The following MFHAS1 variants were observed in gnomAD, a reference collection of about 807,000 sequenced individuals.
MFHAS1 encodes multifunctional ROCO family signaling regulator 1.
MFHAS1 carries 50 observed loss-of-function variants against 70.4 expected under a neutral mutation model. The observed-to-expected ratio is 0.71, with a 90% CI of 0.57 to 0.90. MFHAS1 has a LOEUF of 0.90. Ranked by LOEUF, MFHAS1 falls within the 40% of genes least tolerant of loss-of-function variation. The pLI is 0.00. For missense variants in MFHAS1, 1,795 were observed against 1,347.6 expected (o/e 1.33, Z -5.20); for synonymous variants, 952 against 620.0 (o/e 1.54, Z -7.96).
chr8:8,805,157 G>A (rs536759720), intron 1 of MFHAS1, among the ~76,000 whole-genome samples: 1 of 152,044 alleles, frequency 6.6e-6, no homozygotes, highest in Admixed American at 6.5e-5. Flanking sequence ...GAAAGCCAAG[G>A]GGAAAAAACT....
intron 1 of MFHAS1, among the ~76,000 whole-genome samples, chr8:8,822,914 G>A (rs928137731): frequency 4.6e-5 from 7 of 152,182 alleles, no homozygotes; most frequent in African/African-American, 1.7e-4. Context: ...TGGAATGACT[G>A]AAAACCAGAA....
intron 1 of MFHAS1, among the ~76,000 whole-genome samples, chr8:8,842,239 G>A (rs983963493): frequency 2.6e-5 from 4 of 151,816 alleles, no homozygotes; most frequent in African/African-American, 9.7e-5. Flanking sequence ...AGGCTGGAGT[G>A]CGGTGGCTCA....
rs139989163 is a variant in MFHAS1, at chr8:8,865,688, T to C, written c.2998+24373A>G. Among the ~76,000 whole-genome samples the C allele has an allele frequency of 6.4e-3, 977 of 152,358 alleles. 9 individuals are homozygous for C. Among genetic ancestry groups the C allele is most frequent in the African/African-American group, 0.022 (924 of 41,580 alleles). On this transcript the variant is annotated intron_variant, in intron 1 of 2. Transcript: ENST00000276282. ...CTCAAGGTGAGGCTCCTATAACTTC[T>C]TTGAAATTTCTAGTAATTATTATCT...
intron 1 of MFHAS1, among the ~76,000 whole-genome samples, chr8:8,865,972 C>G (rs1808840570): frequency 6.6e-6 from 1 of 152,224 alleles, no homozygotes; most frequent in South Asian, 2.1e-4. Flanking sequence ...CCTGACAGTG[C>G]AGCCACGGAA....
intron 2 of MFHAS1, among the ~76,000 whole-genome samples, chr8:8,793,186 A>G (rs1005261224): frequency 2.0e-5 from 3 of 152,050 alleles, no homozygotes; most frequent in African/African-American, 7.3e-5. Context: ...CAAAAAAAAA[A>G]ATATCACTAC....
At chr8:8,849,172 C>T (rs1488042969) in intron 1 of MFHAS1, among the ~76,000 whole-genome samples, 2 of 141,900 alleles carry the variant, frequency 1.4e-5, no homozygotes, top group African/African-American at 5.1e-5. Context: ...CCTCTGCCTC[C>T]CGTGTTCAAG....
At chr8:8,879,967 A>G (rs1809450481) in intron 1 of MFHAS1, among the ~76,000 whole-genome samples, 1 of 152,250 alleles carries the variant, frequency 6.6e-6, no homozygotes, top group South Asian at 2.1e-4. Context: ...ATCTTTAAAA[A>G]AAAGCTCTAT....
Position 8,784,449 on chromosome 8 carries a change from T to G in MFHAS1, c.*1573A>C, listed in dbSNP as rs1286563685. On this transcript the variant is annotated 3_prime_UTR_variant, in exon 3 of 3. Transcript: ENST00000276282. The stretch of plus-strand genomic sequence containing the variant: ...AAACATCGTCTGATCCCATTCGATT[T>G]TTATCATCATAAGAAATCATTCTCT... 5.3e-5 allele frequency: 8 copies of G among 152,226 alleles called. No homozygotes were observed. The highest frequency in any genetic ancestry group is 1.0e-4 in the Non-Finnish European group (7 of 68,046). 9.4% of individuals were successfully genotyped at this position (152,226 alleles called of 1,614,324 possible). A position where few individuals can be genotyped will look rare whatever the true frequency, so the allele number is the denominator to read the frequency against.
intron 2 of MFHAS1, among the ~76,000 whole-genome samples, chr8:8,796,663 G>A (rs1306762935): frequency 3.5e-5 from 4 of 112,812 alleles, no homozygotes; most frequent in Non-Finnish European, 6.6e-5. Context: ...CAGCCTGGGC[G>A]ACAGAGCAAG....
At chr8:8,867,021 GAGAA>G (rs988604342) in intron 1 of MFHAS1, among the ~76,000 whole-genome samples, 2 of 152,124 alleles carry the variant, frequency 1.3e-5, no homozygotes, top group Non-Finnish European at 2.9e-5. Context: ...AAAAAAGAAA[GAGAA>G]AGAGAGATGG....
At chr8:8,879,211 G>T (rs1288340373) in intron 1 of MFHAS1, among the ~76,000 whole-genome samples, 2 of 152,128 alleles carry the variant, frequency 1.3e-5, no homozygotes, top group Non-Finnish European at 2.9e-5. Flanking sequence ...AACTAGCTGG[G>T]TGTGGTGGCA....
intron 1 of MFHAS1, among the ~76,000 whole-genome samples, chr8:8,885,260 A>G (rs17154872): frequency 0.029 from 4,391 of 152,246 alleles, 138 homozygotes; most frequent in East Asian, 0.13. Context: ...AGAAAGCCAC[A>G]TAACTCATTC....
intron 1 of MFHAS1, among the ~76,000 whole-genome samples, chr8:8,868,509 T>A (rs1224245075): frequency 6.6e-6 from 1 of 151,670 alleles, no homozygotes; most frequent in Non-Finnish European, 1.5e-5. Flanking sequence ...GATGTGCCCT[T>A]CCAAACAGAT....
At chr8:8,842,020 G>A (rs1244140509) in intron 1 of MFHAS1, among the ~76,000 whole-genome samples, 1 of 152,192 alleles carries the variant, frequency 6.6e-6, no homozygotes, top group Non-Finnish European at 1.5e-5. Flanking sequence ...TACGGTGAAA[G>A]AATGAGCCAA....
At chr8:8,864,786 A>G (rs1808795164) in intron 1 of MFHAS1, among the ~76,000 whole-genome samples, 3 of 152,170 alleles carry the variant, frequency 2.0e-5, no homozygotes, top group Non-Finnish European at 4.4e-5. Flanking sequence ...TACAGGCACT[A>G]GGGAAAAAAG....
Position 8,892,458 on chromosome 8 carries a change from G to T in MFHAS1, c.601C>A (p.Leu201Met). The T allele has an allele frequency of 1.2e-6, 2 of 1,610,026 alleles. No homozygotes were observed. The highest frequency in any genetic ancestry group is 1.7e-6 in the Non-Finnish European group (2 of 1,178,340). The part of the protein sequence containing the change: ...NQLTAFPRQL[L>M]QLVALEELDV... ...AGCTCCTCCAGGGCCACCAGCTGCA[G>T]CAGCTGCCGGGGGAAGGCAGTGAGC... Residue 201 changes from leucine (L) to methionine (M), a missense_variant, in exon 1 of 3, where the codon CTG (leucine) becomes ATG (methionine). Leu to Met is a conservative substitution (Grantham distance 15, BLOSUM62 2). Transcript: ENST00000276282. The surrounding 1 kb of genome is among the most constrained non-coding windows in gnomAD (Gnocchi z 4.7).
At chr8:8,788,157 C>A (rs1453228882) in intron 2 of MFHAS1, among the ~76,000 whole-genome samples, 3 of 152,186 alleles carry the variant, frequency 2.0e-5, no homozygotes, top group Non-Finnish European at 4.4e-5. Context: ...GATAAGTTTG[C>A]CTGGTTATGG....
chr8:8,878,401 G>C (rs1000463536), intron 1 of MFHAS1, among the ~76,000 whole-genome samples: 1 of 151,964 alleles, frequency 6.6e-6, no homozygotes, highest in Non-Finnish European at 1.5e-5. Context: ...GCTGCTGTGG[G>C]GATTAAATAA....
chr8:8,803,647 A>C (rs1163762131), intron 1 of MFHAS1, among the ~76,000 whole-genome samples: 1 of 152,056 alleles, frequency 6.6e-6, no homozygotes, highest in Non-Finnish European at 1.5e-5. Context: ...GTATTGTATT[A>C]GTTATTATAG....
Sources: allele counts gnomAD v4.1 joint callset (sites outside exome capture counted in the v4.1 genomes callset), GRCh38; gene constraint gnomAD v4.1.1; non-coding constraint Gnocchi (gnomAD v3.1); transcripts MANE v1.5; gene names NCBI Gene and HGNC (gene_info 2026-07-23, HGNC 2026-07-21).